NECAB3: variants seen among roughly 807,000 people sequenced by gnomAD.
The protein encoded by NECAB3 is N-terminal EF-hand calcium binding protein 3.
In NECAB3, 38 loss-of-function variants were observed where a neutral mutation model predicts 57.2. The ratio of observed to expected loss-of-function variants is 0.66; its 90% confidence interval spans 0.51 to 0.87. The LOEUF is 0.87. NECAB3 is among the 40% of genes least tolerant of loss of function. The pLI is 0.00. For synonymous variants in NECAB3, 223 were observed against 222.6 expected, an observed-to-expected ratio of 1.00 and a Z score of -0.02; for missense variants, 474 against 527.5, an observed-to-expected ratio of 0.90 and a Z score of 0.99.
At position 33,659,673 on chromosome 20, in the gene NECAB3, T is replaced by C. The variant is rs2017398405; in HGVS notation, c.703A>G (p.Ile235Val). The C allele has an allele frequency of 1.1e-5, 17 of 1,610,394 alleles. No individual in the cohort carries two copies. In the East Asian group the frequency reaches 3.6e-4, roughly 34 times the overall value. ...RLQVNRLQEL[I>V]DQLECKVRAV... ...CTCACCTTGCACTCGAGCTGGTCGA[T>C]GAGCTCCTGGAGGCGGTTCACCTGG... Residue 235 changes from isoleucine to valine, a missense_variant, in exon 8 of 12, where the codon ATC becomes GTC. Physicochemically the swap from Ile to Val is conservative, Grantham distance 29. Coordinates refer to ENST00000246190, the MANE Select transcript of NECAB3 (RefSeq NM_031232.4).
chr20:33,667,434 G>A, intron 5 of NECAB3: 1 of 1,411,032 alleles, frequency 7.1e-7, no homozygotes, highest in South Asian at 1.5e-5. Context: ...CGTTGGCGCC[G>A]CCCGCGGGCC....
intron 5 of NECAB3, chr20:33,666,527 G>A (rs963097717): frequency 6.6e-6 from 1 of 152,388 alleles, no homozygotes; most frequent in African/African-American, 2.4e-5. Flanking sequence ...CAGGTGAGAG[G>A]TGCCAGGAGG....
intron 9 of NECAB3, 44 bp downstream of exon 9, chr20:33,658,678 A>C (rs1601148415): frequency 6.2e-7 from 1 of 1,600,142 alleles, no homozygotes; most frequent in Non-Finnish European, 8.6e-7. Flanking sequence ...CTCTCTGCTC[A>C]CCCCCTCCCC....
intron 10 of NECAB3, 104 bp downstream of exon 10, chr20:33,658,373 C>A: frequency 8.2e-7 from 1 of 1,226,928 alleles, no homozygotes; most frequent in South Asian, 1.3e-5. Flanking sequence ...GGTCACTCAT[C>A]TGAGGTCACA....
intron 5 of NECAB3, chr20:33,668,140 A>T (rs1016326898): frequency 1.9e-6 from 3 of 1,611,614 alleles, no homozygotes; most frequent in Non-Finnish European, 2.5e-6. Context: ...CGGCGGCTCC[A>T]TGGTGGCCTC....
intron 5 of NECAB3, among the ~76,000 whole-genome samples, chr20:33,666,043 G>A (rs911648023): frequency 6.6e-6 from 1 of 152,144 alleles, no homozygotes; most frequent in South Asian, 2.1e-4. Flanking sequence ...AGATTGCAAC[G>A]CTGCACGCCC....
intron 2 of NECAB3, 138 bp downstream of exon 2, chr20:33,672,260 C>T (rs2017843069): frequency 9.8e-7 from 1 of 1,020,140 alleles, no homozygotes; most frequent in African/African-American, 1.6e-5. Context: ...TGGGAAGTGC[C>T]TTGATTGATT....
intron 5 of NECAB3, chr20:33,667,520 C>A: frequency 2.6e-6 from 4 of 1,528,048 alleles, no homozygotes; most frequent in Non-Finnish European, 3.5e-6. Context: ...GCGTTGCTGG[C>A]GCTCTGCTCC....
intron 5 of NECAB3, chr20:33,669,162 G>T (rs571351427): frequency 2.6e-5 from 15 of 571,758 alleles, no homozygotes; most frequent in Middle Eastern, 6.6e-4. Context: ...ACTGGTCACA[G>T]TGATGTATGA....
intron 5 of NECAB3, chr20:33,662,119 C>T (rs1568894572): frequency 1.9e-6 from 1 of 514,314 alleles, no homozygotes; most frequent in African/African-American, 1.9e-5. Context: ...CACCACTAAG[C>T]ACCTTACATG....
chr20:33,667,518 G>C, intron 5 of NECAB3: 2 of 1,527,826 alleles, frequency 1.3e-6, no homozygotes, highest in Admixed American at 2.0e-5. Flanking sequence ...CCGCGTTGCT[G>C]GCGCTCTGCT....
chr20:33,667,252 G>A, intron 5 of NECAB3: 1 of 426,558 alleles, frequency 2.3e-6, no homozygotes, highest in Non-Finnish European at 4.0e-6. Flanking sequence ...GGACCGGCCG[G>A]TGCTGCCCGG....
At chr20:33,661,042 A>G (rs1284203883) in intron 5 of NECAB3, among the ~76,000 whole-genome samples, 1 of 152,162 alleles carries the variant, frequency 6.6e-6, no homozygotes, top group Non-Finnish European at 1.5e-5. Flanking sequence ...TGGGATTCTG[A>G]GGCTCCTCAA....
In NECAB3 at chr20:33,663,521, T is replaced by A. The variant is rs553699048; in HGVS notation, c.388-3126A>T. On this transcript the variant is annotated intron_variant, in intron 5 of 11. Coordinates refer to ENST00000246190, the MANE Select transcript of NECAB3 (RefSeq NM_031232.4). ...GCGCTCTCCCGCCTCACGCCCCTGT[T>A]CCACCCCCAGACCAGGATCGTGCTG... 28 of 1,606,992 alleles carry A rather than the reference T, an allele frequency of 1.7e-5. No homozygotes were observed. In the African/African-American group the frequency reaches 3.0e-4, roughly 17 times the overall value.
rs147398397 is a variant in NECAB3 at position 33,658,900 on chromosome 20, T to A, written c.880-66A>T. On this transcript the variant is annotated intron_variant, in intron 8 of 11. Transcript: ENST00000246190. ...CACAGGGGAGGGACTGGCTGTGGCC[T>A]CCAGGAGGTTCTCAGCTGTTTTTCT... The A allele has an allele frequency of 2.1e-4, 237 of 1,126,208 alleles. No individual in the cohort carries two copies. The African/African-American group carries it at 3.2e-3, about 15-fold the overall frequency. 69.8% of individuals were successfully genotyped at this position (1,126,208 alleles called of 1,614,324 possible). A position where few individuals can be genotyped will look rare whatever the true frequency, so the allele number is the denominator to read the frequency against.
chr20:33,667,097 C>T (rs2017678974), intron 5 of NECAB3: 3 of 175,964 alleles, frequency 1.7e-5, no homozygotes, highest in South Asian at 3.9e-4. Context: ...GCGTCGGTGT[C>T]GGGGAGCCGC....
intron 3 of NECAB3, 30 bp downstream of exon 3, chr20:33,670,654 C>A (rs756654569): frequency 1.3e-6 from 2 of 1,521,534 alleles, no homozygotes; most frequent in Non-Finnish European, 1.8e-6. Context: ...CCTGGCCTCG[C>A]ATCTACCCAC....
At chr20:33,669,307 G>C in intron 5 of NECAB3, 68 bp downstream of exon 5, 2 of 1,498,314 alleles carry the variant, frequency 1.3e-6, no homozygotes, top group Non-Finnish European at 1.9e-6. Context: ...AGACTGTGGA[G>C]GATCCCACAG....
chr20:33,669,876 G>A (rs1176635751), intron 3 of NECAB3, among the ~76,000 whole-genome samples, 164 bp from the exon 4 acceptor site: 1 of 152,212 alleles, frequency 6.6e-6, no homozygotes, highest in African/African-American at 2.4e-5. Flanking sequence ...TCCTTGCAGG[G>A]TTGGAGAATG....
Sources: gnomAD v4.1 joint callset for allele counts (sites outside exome capture counted in the v4.1 genomes callset) on GRCh38, gnomAD v4.1.1 for gene constraint, MANE v1.5 for transcripts, NCBI Gene and HGNC (gene_info 2026-07-23, HGNC 2026-07-21) for gene names.